The following CEBPZ variants were observed in gnomAD, a reference collection of about 807,000 sequenced individuals.
CEBPZ encodes CCAAT/enhancer-binding protein zeta.
Under a neutral mutation model 104.5 loss-of-function variants are expected in CEBPZ, and 78 were observed. The observed-to-expected ratio is 0.75, with a 90% CI of 0.62 to 0.90. The LOEUF is 0.90. Ranked by LOEUF, CEBPZ falls within the 40% of genes least tolerant of loss-of-function variation. The pLI is 0.00. For missense variants in CEBPZ, 1,439 were observed against 1,233.5 expected (o/e 1.17, Z -2.50); for synonymous variants, 470 against 427.0 (o/e 1.10, Z -1.24).
Position 37,227,594 on chromosome 2 carries a change from T to C in CEBPZ, c.1599A>G (p.Val533=). 1.2e-6 allele frequency: 2 copies of C among 1,613,988 alleles called. No homozygotes were observed. Among genetic ancestry groups the C allele is most frequent in the African/African-American group, 2.7e-5 (2 of 75,050 alleles). The change falls in exon 2 of 16, where the codon GTA becomes GTG. Residue 533 remains valine, a synonymous_variant. Transcript: ENST00000234170. ...CCGATATTGTCTGCTGAGAATTCAT[T>C]ACTTGGAAAAGCAACATTAAAGCCT... ...SVQALMLLFQ[V]MNSQQTISDR...
In CEBPZ at chr2:37,227,906, G is replaced by A. The variant is rs1416395605; in HGVS notation, c.1287C>T (p.Phe429=). Residue 429 remains phenylalanine, a synonymous_variant, in exon 2 of 16, where the codon TTC becomes TTT. Coordinates refer to ENST00000234170, the MANE Select transcript of CEBPZ (RefSeq NM_005760.3). ...VVSGEVERLL[F]RSNISSKAQY... is the part of the protein sequence containing the mutation. ...GAGCTTTGGAGCTGATATTTGAGCG[G>A]AAGAGTAGCCTTTCTACTTCACCAG... The A allele has an allele frequency of 3.7e-6, 6 of 1,614,178 alleles. No individual in the cohort carries two copies. The highest frequency in any genetic ancestry group is 1.3e-5 in the African/African-American group (1 of 75,060).
At chr2:37,220,596 C>A in intron 4 of CEBPZ, 123 bp from the exon 5 acceptor site, 1 of 447,992 alleles carries the variant, frequency 2.2e-6, no homozygotes, top group Non-Finnish European at 4.0e-6. Context: ...GCCAAGCAAC[C>A]TAGATTAAAA....
chr2:37,222,783 C>T lies in CEBPZ; in HGVS notation c.1882-220G>A, dbSNP rs148054954. Among the ~76,000 whole-genome samples, 13 of 152,312 alleles carry T rather than the reference C, an allele frequency of 8.5e-5. No individual in the cohort carries two copies. In the East Asian group the frequency reaches 2.5e-3, roughly 29 times the overall value. On this transcript the variant is annotated intron_variant, in intron 3 of 15. Transcript: ENST00000234170. The stretch of plus-strand genomic sequence containing the variant: ...CAGTTAAGTTTTGAGCTAAGAACCC[C>T]TGAGCCTTAAGGACTCTAATACTTG...
intron 13 of CEBPZ, chr2:37,210,001 A>G (rs1238979816): frequency 6.6e-6 from 1 of 152,200 alleles, no homozygotes. Flanking sequence ...AGATATACAA[A>G]TGGTCAAGAA....
Position 37,201,727 on chromosome 2 carries a change from G to A in CEBPZ, c.*37C>T, listed in dbSNP as rs377604476. ...CATGGTTGAACAGCAAAAATTAGATGTAAGTAGAATTTTAATCTATAATTT... is the reference window on the plus strand; with the variant it reads ...CATGGTTGAACAGCAAAAATTAGATATAAGTAGAATTTTAATCTATAATTT... On this transcript the variant is annotated 3_prime_UTR_variant, in exon 16 of 16. Transcript: ENST00000234170. 8 of 1,194,850 alleles carry A rather than the reference G, an allele frequency of 6.7e-6. No homozygotes were observed. The African/African-American group carries it at 7.6e-5, about 11-fold the overall frequency. The allele number at this position is 1,194,850 out of a possible 1,614,324, so 74.0% of individuals were successfully genotyped here. A position where few individuals can be genotyped will look rare whatever the true frequency, so the allele number is the denominator to read the frequency against.
intron 1 of CEBPZ, among the ~76,000 whole-genome samples, chr2:37,229,249 T>C (rs1227851950): frequency 6.6e-6 from 1 of 152,022 alleles, no homozygotes; most frequent in African/African-American, 2.4e-5. Context: ...ACACACTTTT[T>C]ATTTCGATAT....
intron 4 of CEBPZ, among the ~76,000 whole-genome samples, chr2:37,220,856 G>C (rs1391094227): frequency 6.6e-6 from 1 of 152,082 alleles, no homozygotes; most frequent in East Asian, 1.9e-4. Flanking sequence ...AACTAGCCAG[G>C]TGTGGTGGTG....
intron 1 of CEBPZ, among the ~76,000 whole-genome samples, chr2:37,229,415 G>C (rs903688431): frequency 5.9e-5 from 9 of 152,072 alleles, no homozygotes; most frequent in Non-Finnish European, 1.0e-4. Context: ...AGAAAAAAAG[G>C]GTTCTTTAAG....
chr2:37,228,134 T>TA lies in CEBPZ; in HGVS notation c.1058dup (p.Leu353PhefsTer4). The TA allele has an allele frequency of 6.2e-7, 1 of 1,614,230 alleles. No individual in the cohort carries two copies. Among genetic ancestry groups the TA allele is most frequent in the Admixed American group, 1.7e-5 (1 of 60,032 alleles). ...TAGTGGTTACTAATGTATCATGACT[T>TA]AAAGTTTCTAAGACCTGCACAAATT... On this transcript the variant is annotated frameshift_variant, in exon 2 of 16. Transcript: ENST00000234170. LOFTEE classifies it high-confidence loss of function.
intron 13 of CEBPZ, among the ~76,000 whole-genome samples, chr2:37,205,460 A>AC (rs1484924486): frequency 7.9e-5 from 12 of 151,948 alleles, no homozygotes; most frequent in African/African-American, 2.9e-4. Flanking sequence ...GCAGAGAACA[A>AC]CCCCCTTTGA....
At chr2:37,215,864 G>A (rs1247887815) in intron 8 of CEBPZ, among the ~76,000 whole-genome samples, 1 of 150,972 alleles carries the variant, frequency 6.6e-6, no homozygotes, top group Non-Finnish European at 1.5e-5. Context: ...GGTGACAACT[G>A]TCAAAGCTGG....
In CEBPZ at chr2:37,213,979, T is replaced by C. The variant is rs1572500846; in HGVS notation, c.2448-18A>G. Reference sequence around the variant, plus strand: ...TATAATACCTATAATATTCATGTTATATATTTGACAATTTTATTAAAGGTC... The same window carrying C: ...TATAATACCTATAATATTCATGTTACATATTTGACAATTTTATTAAAGGTC... On this transcript the variant is annotated intron_variant, in intron 9 of 15. Transcript: ENST00000234170. 5.2e-6 allele frequency: 7 copies of C among 1,350,876 alleles called. No homozygotes were observed. Among genetic ancestry groups the C allele is most frequent in the South Asian group, 1.4e-5 (1 of 69,858 alleles). The allele number at this position is 1,350,876 out of a possible 1,614,324, so 83.7% of individuals were successfully genotyped here. A position where few individuals can be genotyped will look rare whatever the true frequency, so the allele number is the denominator to read the frequency against.
intron 6 of CEBPZ, 24 bp from the exon 7 acceptor site, chr2:37,216,442 A>C (rs771998450): frequency 1.3e-6 from 2 of 1,509,442 alleles, no homozygotes; most frequent in Non-Finnish European, 1.8e-6. Context: ...CGGGGATTTA[A>C]AAACTTAATT....
Position 37,213,924 on chromosome 2 carries a change from G to A in CEBPZ, c.2485C>T (p.Arg829Trp), listed in dbSNP as rs372639283. 7.6e-6 allele frequency: 12 copies of A among 1,588,648 alleles called. No homozygotes were observed. The highest frequency in any genetic ancestry group is 2.3e-5 in the East Asian group (1 of 43,812). Residue 829 changes from arginine to tryptophan, a missense_variant, in exon 10 of 16, where the codon CGG becomes TGG. Transcript: ENST00000234170. The part of the protein sequence containing the change: ...KKVAVKEKQK[R>W]DADEESIEDV... Reference sequence around the variant, plus strand: ...TCTATACTTTCTTCATCTGCATCCCGTTTTTGTTTCTCTTTAACAGCAACT... The same window carrying A: ...TCTATACTTTCTTCATCTGCATCCCATTTTTGTTTCTCTTTAACAGCAACT...
intron 3 of CEBPZ, among the ~76,000 whole-genome samples, chr2:37,222,908 TCTA>T (rs1664804041): frequency 6.6e-6 from 1 of 152,140 alleles, no homozygotes; most frequent in Non-Finnish European, 1.5e-5. Flanking sequence ...ACTTAAGAGG[TCTA>T]CTAAGTTTTA....
intron 1 of CEBPZ, 46 bp downstream of exon 1, chr2:37,231,366 G>A (rs780993100): frequency 6.7e-5 from 108 of 1,611,372 alleles, no homozygotes; most frequent in Non-Finnish European, 8.4e-5. Context: ...GCCACCTTCG[G>A]AACTCTCCAC....
chr2:37,203,134 C>T, intron 13 of CEBPZ, 126 bp from the exon 14 acceptor site: 1 of 573,004 alleles, frequency 1.7e-6, no homozygotes, highest in Non-Finnish European at 2.9e-6. Context: ...TCTTCTGGCA[C>T]CATTGGGTAG....
At chr2:37,230,863 G>A (rs1488883251) in intron 1 of CEBPZ, among the ~76,000 whole-genome samples, 2 of 152,136 alleles carry the variant, frequency 1.3e-5, no homozygotes, top group Middle Eastern at 3.2e-3. Flanking sequence ...TGTGTTTGTC[G>A]ATCATCTCAT....
chr2:37,210,872 T>C (rs563697027), intron 13 of CEBPZ, 127 bp downstream of exon 13: 10 of 511,262 alleles, frequency 2.0e-5, no homozygotes, highest in Admixed American at 1.2e-4. Context: ...TTAACATCTT[T>C]CTTAAAAAGA....
Sources: gnomAD v4.1 joint callset for allele counts (sites outside exome capture counted in the v4.1 genomes callset) on GRCh38, gnomAD v4.1.1 for gene constraint, MANE v1.5 for transcripts, NCBI Gene and HGNC (gene_info 2026-07-23, HGNC 2026-07-21) for gene names.